Variants in ODR4 observed in about 807,000 individuals in gnomAD.
The protein encoded by ODR4 is odr-4 GPCR localization factor homolog, also known as protein odr-4 homolog.
In ODR4, 47 loss-of-function variants were observed where a neutral mutation model predicts 60.2. The observed-to-expected ratio is 0.78, with a 90% CI of 0.62 to 1.00. The LOEUF is 1.00. Ranked by LOEUF, ODR4 falls within the 50% of genes least tolerant of loss-of-function variation. ODR4 has a pLI of 0.00. For missense variants in ODR4, 488 were observed against 530.8 expected (o/e 0.92, Z 0.79); for synonymous variants, 178 against 175.5 (o/e 1.01, Z -0.11).
Position 186,390,698 on chromosome 1 carries a change from T to G in ODR4, c.475-13T>G, listed in dbSNP as rs1660435853. ...CTACATCATAGTTATTTTTCTCCCTTCTCCACTGCTAGAGTTCAGCAAGAC... is the reference window on the plus strand; with the variant it reads ...CTACATCATAGTTATTTTTCTCCCTGCTCCACTGCTAGAGTTCAGCAAGAC... On this transcript the variant is annotated splice_polypyrimidine_tract_variant and intron_variant, in intron 6 of 13. Coordinates refer to ENST00000287859, the MANE Select transcript of ODR4 (RefSeq NM_017847.6). 1 of 1,612,696 alleles carries G rather than the reference T, an allele frequency of 6.2e-7. No homozygotes were observed. The highest frequency in any genetic ancestry group is 1.3e-5 in the African/African-American group (1 of 75,012).
intron 3 of ODR4, among the ~76,000 whole-genome samples, chr1:186,384,593 A>ACG (rs1292599524): frequency 1.3e-5 from 2 of 151,978 alleles, no homozygotes; most frequent in Non-Finnish European, 1.5e-5. Flanking sequence ...ACACACACAC[A>ACG]CACACACACA....
intron 1 of ODR4, among the ~76,000 whole-genome samples, chr1:186,378,360 CTGTT>C (rs1441501329): frequency 6.6e-6 from 1 of 152,152 alleles, no homozygotes; most frequent in African/African-American, 2.4e-5. Flanking sequence ...CCTGCAGTCT[CTGTT>C]TGTTTTATAG....
intron 12 of ODR4, among the ~76,000 whole-genome samples, chr1:186,410,799 T>C (rs979509438): frequency 6.6e-6 from 1 of 152,072 alleles, no homozygotes; most frequent in African/African-American, 2.4e-5. Context: ...GTGGATCACC[T>C]GAGGTCGGGA....
rs1661701802 is a variant in ODR4 at position 186,419,484 on chromosome 1, C to T, written c.*408C>T. 1 of 160,860 alleles carries T rather than the reference C, an allele frequency of 6.2e-6. No homozygotes were observed. The highest frequency in any genetic ancestry group is 2.4e-5 in the African/African-American group (1 of 41,504). 10.0% of individuals were successfully genotyped at this position (160,860 alleles called of 1,614,324 possible). ...ATGCTTTGAGAGGCTGAGGTAGGAG[C>T]ATCACCTGGGGCTGGGAGGGAGTTG... is the stretch of plus-strand genomic sequence containing the variant. On this transcript the variant is annotated 3_prime_UTR_variant, in exon 14 of 14. Coordinates refer to ENST00000287859, the MANE Select transcript of ODR4 (RefSeq NM_017847.6).
chr1:186,401,137 T>C lies in ODR4; in HGVS notation c.1000+2093T>C, dbSNP rs368337133. The C allele has an allele frequency of 5.0e-6, 8 of 1,596,356 alleles. No homozygotes were observed. The African/African-American group carries it at 1.1e-4, about 21-fold the overall frequency. On this transcript the variant is annotated intron_variant, in intron 11 of 13. Coordinates refer to ENST00000287859, the MANE Select transcript of ODR4 (RefSeq NM_017847.6). Reference sequence around the variant, plus strand: ...TTAAAAATCCTTTATAAAAGTGGTATTATATGGCTATCCTGGTATTCTTTC... The same window carrying C: ...TTAAAAATCCTTTATAAAAGTGGTACTATATGGCTATCCTGGTATTCTTTC...
chr1:186,404,967 A>G (rs1269909164), intron 11 of ODR4, among the ~76,000 whole-genome samples: 1 of 152,206 alleles, frequency 6.6e-6, no homozygotes. Flanking sequence ...CTAAAAAGTA[A>G]TTATATATTT....
chr1:186,415,866 G>T (rs1282371535), intron 12 of ODR4, among the ~76,000 whole-genome samples: 1 of 152,198 alleles, frequency 6.6e-6, no homozygotes, highest in East Asian at 1.9e-4. Context: ...TCAAATGCCT[G>T]TGATGGTCGA....
chr1:186,414,837 C>T (rs1392338993), intron 12 of ODR4, among the ~76,000 whole-genome samples: 1 of 152,056 alleles, frequency 6.6e-6, no homozygotes, highest in Non-Finnish European at 1.5e-5. Flanking sequence ...ACCTTTTTAA[C>T]AGAGATATTT....
Position 186,396,923 on chromosome 1 carries a change from ACTC to A in ODR4, c.781-1382_781-1380del, listed in dbSNP as rs573697668. On this transcript the variant is annotated intron_variant, in intron 9 of 13. Transcript: ENST00000287859. ...ATGGAGTAGATAGGGGAAGCCTGTT[ACTC>A]CTCCTCCAACCCCACCTTATTGATG... is the stretch of plus-strand genomic sequence containing the variant. Among the ~76,000 whole-genome samples, 12 of 152,130 alleles carry A rather than the reference ACTC, an allele frequency of 7.9e-5. No homozygotes were observed. In the East Asian group the frequency reaches 2.3e-3, roughly 29 times the overall value.
downstream of ODR4, among the ~76,000 whole-genome samples, chr1:186,423,583 T>C (rs1056325646): frequency 1.3e-5 from 2 of 150,390 alleles, no homozygotes; most frequent in African/African-American, 4.9e-5. Flanking sequence ...ACCTCCCGAG[T>C]AGCTGGGATT....
At chr1:186,387,187 C>T (rs1468099562) in intron 4 of ODR4, among the ~76,000 whole-genome samples, 1 of 152,026 alleles carries the variant, frequency 6.6e-6, no homozygotes, top group African/African-American at 2.4e-5. Context: ...GTCAGATGTC[C>T]CAGCCTCAAG....
chr1:186,381,418 C>T (rs966544484), intron 2 of ODR4, among the ~76,000 whole-genome samples: 1 of 152,004 alleles, frequency 6.6e-6, no homozygotes, highest in Non-Finnish European at 1.5e-5. Context: ...GCTCCGCCCC[C>T]TGGGGTTCAC....
chr1:186,380,364 TTTG>T (rs939329469), intron 2 of ODR4, among the ~76,000 whole-genome samples: 4 of 152,184 alleles, frequency 2.6e-5, no homozygotes, highest in Admixed American at 1.3e-4. Flanking sequence ...TACTGAATTT[TTTG>T]TTGTTGTTGT....
Position 186,379,962 on chromosome 1 carries a change from G to A in ODR4, c.99+78G>A, listed in dbSNP as rs1183436303. On this transcript the variant is annotated intron_variant, in intron 2 of 13. Transcript: ENST00000287859. The stretch of plus-strand genomic sequence containing the variant: ...TTTAAAAATTACTTGTTGATTTAAA[G>A]TTAAAAGATGCTATTTAATAATAAA... 4.9e-6 allele frequency: 4 copies of A among 819,470 alleles called. No homozygotes were observed. The East Asian group carries it at 9.3e-5, about 19-fold the overall frequency. The allele number at this position is 819,470 out of a possible 1,614,324, so 50.8% of individuals were successfully genotyped here.
In ODR4 at chr1:186,399,223, TAGAC is replaced by T. The variant is rs1014612099; in HGVS notation, c.1000+183_1000+186del. 1.8e-4 allele frequency: 104 copies of T among 590,214 alleles called. 1 individual carries two copies. Among genetic ancestry groups the T allele is most frequent in the African/African-American group, 1.5e-3 (83 of 54,060 alleles). 36.6% of individuals were successfully genotyped at this position (590,214 alleles called of 1,614,324 possible). A position where few individuals can be genotyped will look rare whatever the true frequency, so the allele number is the denominator to read the frequency against. ...CTACTCAGATTTTTTTTTTTTTTTT[TAGAC>T]AGAGTCTCACTGTGTTGCCCAGGCT... On this transcript the variant is annotated intron_variant, in intron 11 of 13. Coordinates refer to ENST00000287859, the MANE Select transcript of ODR4 (RefSeq NM_017847.6).
chr1:186,382,169 G>A (rs545187076), intron 2 of ODR4, among the ~76,000 whole-genome samples: 1 of 151,646 alleles, frequency 6.6e-6, no homozygotes, highest in East Asian at 1.9e-4. Context: ...GCTTTGGGAG[G>A]CCGAGGTGGG....
intron 2 of ODR4, among the ~76,000 whole-genome samples, chr1:186,382,207 C>G (rs936305094): frequency 6.8e-6 from 1 of 147,494 alleles, no homozygotes; most frequent in Admixed American, 6.9e-5. Flanking sequence ...AGAGTTTGAC[C>G]TAGCCTGGGC....
the ODR4 span, among the ~76,000 whole-genome samples, chr1:186,430,436 TTAATGA>T: frequency 6.6e-6 from 1 of 152,066 alleles, no homozygotes; most frequent in Non-Finnish European, 1.5e-5. Context: ...GAAGAGGAAC[TTAATGA>T]TAGAGATGAA....
chr1:186,421,530 A>C (rs1454781291), downstream of ODR4, among the ~76,000 whole-genome samples: 1 of 152,148 alleles, frequency 6.6e-6, no homozygotes, highest in Admixed American at 6.5e-5. Context: ...TGTTATAATA[A>C]ATATGTGTAG....
Sources: gnomAD v4.1 joint callset for allele counts (sites outside exome capture counted in the v4.1 genomes callset) on GRCh38, gnomAD v4.1.1 for gene constraint, MANE v1.5 for transcripts, NCBI Gene and HGNC (gene_info 2026-07-23, HGNC 2026-07-21) for gene names.